Variants in INPP5K observed in about 807,000 individuals in gnomAD.
The protein encoded by INPP5K is inositol polyphosphate 5-phosphatase K.
INPP5K carries 35 observed loss-of-function variants against 53.5 expected under a neutral mutation model. That is an observed-to-expected ratio of 0.65 (90% confidence interval 0.50 to 0.87). INPP5K has a LOEUF of 0.87. INPP5K is among the 40% of genes least tolerant of loss of function. The probability of loss-of-function intolerance (pLI) is 0.00; values close to 1 mark genes in which losing one functional copy is unlikely to be tolerated. For synonymous variants in INPP5K, 253 were observed against 232.8 expected, an observed-to-expected ratio of 1.09 and a Z score of -0.79; for missense variants, 550 against 586.2, an observed-to-expected ratio of 0.94 and a Z score of 0.64.
At chr17:1,504,502 T>C (rs1443292697) in intron 7 of INPP5K, among the ~76,000 whole-genome samples, 1 of 152,230 alleles carries the variant, frequency 6.6e-6, no homozygotes, top group Non-Finnish European at 1.5e-5. Flanking sequence ...CCATGTCCCC[T>C]GTTCCCGCCC....
At chr17:1,497,424 T>C (rs1278282232) in intron 8 of INPP5K, among the ~76,000 whole-genome samples, 3 of 152,128 alleles carry the variant, frequency 2.0e-5, no homozygotes, top group African/African-American at 7.2e-5. Context: ...CAGTGAGCTA[T>C]GATACCGCCA....
In INPP5K at chr17:1,496,076, A is replaced by G. The variant is rs751284761; in HGVS notation, c.1274T>C (p.Ile425Thr). Residue 425 changes from isoleucine to threonine, a missense_variant, in exon 11 of 12, where the codon ATA becomes ACA. Physicochemically the swap from Ile to Thr is moderately conservative, Grantham distance 89. Transcript: ENST00000421807. ...ACTGCTTACCTGGAAGGGTCTGCTT[A>G]TCCCCACCACAGAACGCAGACTGTT... ...YSNSLRSVVGISRPFQIPPGS... is the reference protein window; with the variant it reads ...YSNSLRSVVGTSRPFQIPPGS... 2 of 1,610,010 alleles carry G rather than the reference A, an allele frequency of 1.2e-6. No homozygotes were observed. Among genetic ancestry groups the G allele is most frequent in the Non-Finnish European group, 1.7e-6 (2 of 1,176,252 alleles).
In INPP5K at chr17:1,513,486, G is replaced by A. The variant is rs2075355673; in HGVS notation, c.228C>T (p.Leu76=). 2 of 1,614,210 alleles carry A rather than the reference G, an allele frequency of 1.2e-6. No homozygotes were observed. Among genetic ancestry groups the A allele is most frequent in the South Asian group, 1.1e-5 (1 of 91,084 alleles). Residue 76 remains leucine, a synonymous_variant, in exon 3 of 12, where the codon CTC becomes CTT. Transcript: ENST00000421807. The stretch of plus-strand genomic sequence containing the variant: ...AGCTCAGAGGGGAAAGCACATCCAT[G>A]AGGAAACTGCTCCACGAGTCATTAA... ...AAFNDSWSSF[L]MDVLSPLSFI...
chr17:1,516,425 A>G, intron 1 of INPP5K, 31 bp downstream of exon 1: 2 of 1,580,384 alleles, frequency 1.3e-6, no homozygotes. Context: ...CCCCCCGAGC[A>G]GGCCTGCCTC....
intron 9 of INPP5K, 57 bp downstream of exon 9, chr17:1,496,609 G>T: frequency 1.2e-6 from 2 of 1,603,084 alleles, no homozygotes; most frequent in Non-Finnish European, 1.7e-6. Flanking sequence ...AGGAGCCCTC[G>T]GGAAGGATGA....
At position 1,497,619 on chromosome 17, in the gene INPP5K, A is replaced by T. The variant is rs140835774; in HGVS notation, c.963+317T>A. 9.2e-5 allele frequency: 20 copies of T among 218,214 alleles called. 1 individual carries two copies. The highest frequency in any genetic ancestry group is 4.5e-4 in the African/African-American group (20 of 44,328). The allele number at this position is 218,214 out of a possible 1,614,324, so 13.5% of individuals were successfully genotyped here. On this transcript the variant is annotated intron_variant, in intron 8 of 11. Coordinates refer to ENST00000421807, the MANE Select transcript of INPP5K (RefSeq NM_016532.4). ...GAGCGCCCGTTGCAACTTGATCCAG[A>T]TAGATTTAGGACAAATAAAAGAAGT...
At chr17:1,504,191 G>A (rs903784513) in intron 7 of INPP5K, among the ~76,000 whole-genome samples, 10 of 152,290 alleles carry the variant, frequency 6.6e-5, no homozygotes, top group Middle Eastern at 3.4e-3. Context: ...AAATCAGATC[G>A]TCTCTGCTCT....
rs1261590292 is a variant in INPP5K, at chr17:1,506,966, C to T, written c.776+14G>A. 5.7e-6 allele frequency: 9 copies of T among 1,588,586 alleles called. No individual in the cohort carries two copies. The highest frequency in any genetic ancestry group is 6.0e-6 in the Non-Finnish European group (7 of 1,157,168). ...TGACTTCCTAGACCTTCTGGCCCCC[C>T]ACTCCCTCCTCACCTGGTGTCATAG... is the stretch of plus-strand genomic sequence containing the variant. On this transcript the variant is annotated intron_variant, in intron 7 of 11. Coordinates refer to ENST00000421807, the MANE Select transcript of INPP5K (RefSeq NM_016532.4).
chr17:1,500,536 T>G (rs2074981739), intron 7 of INPP5K, among the ~76,000 whole-genome samples: 1 of 152,180 alleles, frequency 6.6e-6, no homozygotes, highest in East Asian at 1.9e-4. Flanking sequence ...GGCTAACTTT[T>G]TTGTATTTTT....
intron 6 of INPP5K, 40 bp from the exon 7 acceptor site, chr17:1,507,129 G>C (rs771029552): frequency 4.0e-6 from 6 of 1,512,148 alleles, no homozygotes; most frequent in Non-Finnish European, 5.5e-6. Context: ...CAGTAGTCTC[G>C]ACCCAGTGGC....
At chr17:1,495,985 C>T in intron 11 of INPP5K, 75 bp downstream of exon 11, 1 of 1,430,794 alleles carries the variant, frequency 7.0e-7, no homozygotes, top group South Asian at 1.1e-5. Context: ...CGGCTGGCTC[C>T]CAGGCCTGGG....
intron 7 of INPP5K, among the ~76,000 whole-genome samples, chr17:1,502,904 CTTTTT>C (rs1407912318): frequency 1.4e-5 from 2 of 147,034 alleles, no homozygotes; most frequent in African/African-American, 5.0e-5. Context: ...TTTTTTTTTT[CTTTTT>C]AAGACAGGGT....
chr17:1,515,236 G>A (rs567460075), intron 1 of INPP5K, among the ~76,000 whole-genome samples: 2 of 152,212 alleles, frequency 1.3e-5, no homozygotes, highest in East Asian at 1.9e-4. Flanking sequence ...CAGGTTTCTC[G>A]ACATCTCTCT....
intron 3 of INPP5K, 34 bp downstream of exon 3, chr17:1,513,419 A>G: frequency 4.0e-6 from 6 of 1,513,562 alleles, no homozygotes; most frequent in Non-Finnish European, 5.5e-6. Context: ...ATGTGAAAAC[A>G]CAGTTGTCAA....
intron 7 of INPP5K, among the ~76,000 whole-genome samples, chr17:1,500,776 G>C (rs558630319): frequency 1.3e-5 from 2 of 152,264 alleles, no homozygotes; most frequent in African/African-American, 4.8e-5. Flanking sequence ...AGCTGTTGGA[G>C]TGTCCTGTGT....
chr17:1,512,511 CAG>C (rs2075333056), intron 3 of INPP5K, among the ~76,000 whole-genome samples: 1 of 152,108 alleles, frequency 6.6e-6, no homozygotes, highest in Admixed American at 6.6e-5. Flanking sequence ...ACTAGGCTGA[CAG>C]AATCCATTCT....
chr17:1,496,618 G>A, intron 9 of INPP5K, 48 bp downstream of exon 9: 2 of 1,607,768 alleles, frequency 1.2e-6, no homozygotes, highest in Non-Finnish European at 1.7e-6. Flanking sequence ...CGGGAAGGAT[G>A]AACCAGGGGC....
chr17:1,497,769 G>A (rs144651358), intron 8 of INPP5K, 167 bp downstream of exon 8: 78 of 619,392 alleles, frequency 1.3e-4, no homozygotes, highest in African/African-American at 1.1e-3. Context: ...AGCCATCAAC[G>A]GCTCCTAAGA....
intron 8 of INPP5K, among the ~76,000 whole-genome samples, chr17:1,497,485 C>A (rs191709574): frequency 6.6e-6 from 1 of 152,074 alleles, no homozygotes; most frequent in African/African-American, 2.4e-5. Context: ...CACACACACA[C>A]GCCAGTAAAC....
Sources: allele counts gnomAD v4.1 joint callset (sites outside exome capture counted in the v4.1 genomes callset), GRCh38; gene constraint gnomAD v4.1.1; transcripts MANE v1.5; gene names NCBI Gene and HGNC (gene_info 2026-07-23, HGNC 2026-07-21).